CCSER1: variants seen among roughly 807,000 people sequenced by gnomAD.
CCSER1 encodes serine-rich coiled-coil domain-containing protein 1.
CCSER1 carries 41 observed loss-of-function variants against 82.0 expected under a neutral mutation model. The ratio of observed to expected loss-of-function variants is 0.50; its 90% CI spans 0.39 to 0.65. The LOEUF is 0.65. CCSER1 is among the 30% of genes least tolerant of loss of function. CCSER1 has a pLI of 0.00. For synonymous variants in CCSER1, 414 were observed against 383.9 expected, an observed-to-expected ratio of 1.08 and a Z score of -0.92; for missense variants, 1,119 against 1,064.2, an observed-to-expected ratio of 1.05 and a Z score of -0.72.
chr4:90,935,705 G>T (rs1217572367), intron 9 of CCSER1, among the ~76,000 whole-genome samples: 1 of 152,182 alleles, frequency 6.6e-6, no homozygotes, highest in Non-Finnish European at 1.5e-5. Context: ...GGGAAGTCCA[G>T]CAGTAACATG....
At chr4:90,240,104 T>C (rs2153433854) in intron 1 of CCSER1, among the ~76,000 whole-genome samples, 1 of 152,238 alleles carries the variant, frequency 6.6e-6, no homozygotes, top group African/African-American at 2.4e-5. Flanking sequence ...AGAGAAGTTT[T>C]CGAGTTTGGC....
chr4:91,021,238 G>A (rs1342209125), intron 9 of CCSER1, among the ~76,000 whole-genome samples: 1 of 151,894 alleles, frequency 6.6e-6, no homozygotes, highest in African/African-American at 2.4e-5. Context: ...TTCTAAGTCA[G>A]TATTAGAAGG....
At chr4:90,436,394 T>C (rs1758995027) in intron 4 of CCSER1, among the ~76,000 whole-genome samples, 1 of 152,208 alleles carries the variant, frequency 6.6e-6, no homozygotes, top group Non-Finnish European at 1.5e-5. Flanking sequence ...CAACTCAAAA[T>C]AGAAAACAGA....
chr4:91,007,327 T>A (rs1471196971), intron 9 of CCSER1, among the ~76,000 whole-genome samples: 3 of 152,222 alleles, frequency 2.0e-5, no homozygotes, highest in Non-Finnish European at 4.4e-5. Context: ...AAGAATTTCA[T>A]CCCTTCAATT....
intron 10 of CCSER1, among the ~76,000 whole-genome samples, chr4:91,581,830 C>T (rs1420625091): frequency 6.6e-6 from 1 of 151,300 alleles, no homozygotes; most frequent in East Asian, 2.0e-4. Context: ...TTCTGACTTC[C>T]ACCTCCTAAA....
At chr4:91,536,570 G>C (rs1761306750) in intron 10 of CCSER1, among the ~76,000 whole-genome samples, 1 of 152,072 alleles carries the variant, frequency 6.6e-6, no homozygotes, top group South Asian at 2.1e-4. Context: ...GAGGGCAGGA[G>C]ATTTAAAGGA....
At position 90,209,933 on chromosome 4, in the gene CCSER1, G is replaced by A. The variant is rs543387294; in HGVS notation, c.-42+82102G>A. Among the ~76,000 whole-genome samples, 3 of 151,822 alleles carry A rather than the reference G, an allele frequency of 2.0e-5. No homozygotes were observed. In the East Asian group the frequency reaches 5.8e-4, roughly 29 times the overall value. On this transcript the variant is annotated intron_variant, in intron 1 of 10. Transcript: ENST00000509176. ...ATATGTTTTGTTTTGGTTTGGTTTG[G>A]TTTGTGCAGTACTTTAATCAGGCAG...
chr4:91,307,993 T>A (rs1413901038), intron 10 of CCSER1, among the ~76,000 whole-genome samples: 2 of 151,962 alleles, frequency 1.3e-5, no homozygotes, highest in African/African-American at 4.8e-5. Context: ...GGATATTTTA[T>A]GCATCTGGGT....
At chr4:90,813,508 CAT>C (rs1377774966) in intron 7 of CCSER1, among the ~76,000 whole-genome samples, 2 of 152,174 alleles carry the variant, frequency 1.3e-5, no homozygotes, top group Non-Finnish European at 2.9e-5. Flanking sequence ...AGAATTCCCA[CAT>C]GTTGTGGGAG....
At chr4:90,507,758 C>T (rs1770916606) in intron 5 of CCSER1, among the ~76,000 whole-genome samples, 1 of 151,918 alleles carries the variant, frequency 6.6e-6, no homozygotes, top group Admixed American at 6.6e-5. Flanking sequence ...ATTGTGAATG[C>T]CAGGAGCAAA....
At chr4:91,525,619 ATCAGCC>A (rs1760729906) in intron 10 of CCSER1, among the ~76,000 whole-genome samples, 1 of 152,112 alleles carries the variant, frequency 6.6e-6, no homozygotes, top group Non-Finnish European at 1.5e-5. Flanking sequence ...ATCACTTATT[ATCAGCC>A]TCCTGCTCAC....
intron 5 of CCSER1, among the ~76,000 whole-genome samples, chr4:90,580,355 C>A (rs1264056449): frequency 2.6e-5 from 4 of 152,110 alleles, no homozygotes; most frequent in Admixed American, 2.6e-4. Context: ...AAAGTGTTGG[C>A]AACCAGAGAA....
At chr4:90,639,601 C>G (rs962325829) in intron 6 of CCSER1, among the ~76,000 whole-genome samples, 19 of 151,962 alleles carry the variant, frequency 1.3e-4, no homozygotes, top group Non-Finnish European at 2.1e-4. Context: ...TCAATAGTAC[C>G]TGCTTGTGAA....
intron 7 of CCSER1, among the ~76,000 whole-genome samples, chr4:90,748,650 C>A (rs1243776413): frequency 1.4e-5 from 2 of 146,474 alleles, no homozygotes; most frequent in Non-Finnish European, 3.0e-5. Context: ...TACAGTCCCA[C>A]CAACAGTGTA....
chr4:91,255,839 C>T (rs574996398), intron 10 of CCSER1, among the ~76,000 whole-genome samples: 4 of 152,276 alleles, frequency 2.6e-5, no homozygotes, highest in African/African-American at 9.6e-5. Flanking sequence ...CCATTATCTT[C>T]ATAAACTGAG....
intron 10 of CCSER1, among the ~76,000 whole-genome samples, chr4:91,135,296 T>C (rs1188213698): frequency 6.6e-6 from 1 of 152,134 alleles, no homozygotes; most frequent in Non-Finnish European, 1.5e-5. Context: ...CTGGCCATGC[T>C]CTTAAAGAAG....
intron 9 of CCSER1, among the ~76,000 whole-genome samples, chr4:91,047,332 C>T (rs1423806224): frequency 6.6e-6 from 1 of 152,084 alleles, no homozygotes; most frequent in Non-Finnish European, 1.5e-5. Flanking sequence ...TAGCTTCTAG[C>T]TCACCATTTT....
intron 10 of CCSER1, among the ~76,000 whole-genome samples, chr4:91,160,409 C>G (rs759038044): frequency 2.2e-4 from 34 of 152,070 alleles, no homozygotes; most frequent in Non-Finnish European, 4.3e-4. Flanking sequence ...GGGTATATAC[C>G]AGGCAATGAC....
At chr4:90,201,165 G>C (rs1737633311) in intron 1 of CCSER1, among the ~76,000 whole-genome samples, 1 of 152,050 alleles carries the variant, frequency 6.6e-6, no homozygotes, top group African/African-American at 2.4e-5. Flanking sequence ...ACCATTCCTA[G>C]GGCAAATATA....
Sources: gnomAD v4.1 joint callset for allele counts (sites outside exome capture counted in the v4.1 genomes callset) on GRCh38, gnomAD v4.1.1 for gene constraint, MANE v1.5 for transcripts, NCBI Gene and HGNC (gene_info 2026-07-23, HGNC 2026-07-21) for gene names.